NFATC3: variants seen among roughly 807,000 people sequenced by gnomAD.
NFATC3 encodes nuclear factor of activated T-cells, cytoplasmic 3.
NFATC3 carries 46 observed loss-of-function variants against 98.6 expected under a neutral mutation model. That is an observed-to-expected ratio of 0.47 (90% CI 0.37 to 0.60). The LOEUF (loss-of-function observed/expected upper bound fraction) is 0.60. Among genes scored for constraint, NFATC3 ranks in the 20% least tolerant of loss-of-function variants. NFATC3 has a pLI of 0.00. For synonymous variants in NFATC3, 512 were observed against 472.2 expected (o/e 1.08, Z -1.09); for missense variants, 1,256 against 1,295.5 (o/e 0.97, Z 0.47).
chr16:68,096,116 A>G (rs1396741856), intron 1 of NFATC3, among the ~76,000 whole-genome samples: 1 of 152,298 alleles, frequency 6.6e-6, no homozygotes, highest in South Asian at 2.1e-4. Flanking sequence ...GCTTGCCACC[A>G]TGCCCAGCTA....
At chr16:68,118,031 A>G (rs192033641) in intron 1 of NFATC3, among the ~76,000 whole-genome samples, 6 of 152,258 alleles carry the variant, frequency 3.9e-5, no homozygotes, top group Admixed American at 2.0e-4. Context: ...TTCTAGCTCT[A>G]CCCTTTCAGT....
intron 9 of NFATC3, chr16:68,200,725 A>G (rs1733607105): frequency 6.6e-6 from 1 of 152,106 alleles, no homozygotes; most frequent in Admixed American, 6.6e-5. Context: ...CACTACCTCC[A>G]TATATCATTG....
In NFATC3 at chr16:68,167,807, G is replaced by GTTTTT. The variant is rs1263970399; in HGVS notation, c.1774+794_1774+795insTTTTT. ...TGTTTTATATCTGTTAACCGTATGT[G>GTTTTT]TTCTTTTTTTTTTTTTTTTTTTTTT... On this transcript the variant is annotated intron_variant, in intron 5 of 9. Coordinates refer to ENST00000346183, the MANE Select transcript of NFATC3 (RefSeq NM_173165.3). Among the ~76,000 whole-genome samples the GTTTTT allele has an allele frequency of 2.5e-3, 58 of 23,626 alleles. 1 individual carries two copies. Among genetic ancestry groups the GTTTTT allele is most frequent in the Non-Finnish European group, 5.1e-3 (50 of 9,726 alleles). The allele number at this position is 23,626 out of a possible 152,430, so 15.5% of individuals were successfully genotyped here. A position where few individuals can be genotyped will look rare whatever the true frequency, so the allele number is the denominator to read the frequency against.
At chr16:68,086,965 T>C (rs2034413099) in intron 1 of NFATC3, among the ~76,000 whole-genome samples, 1 of 152,226 alleles carries the variant, frequency 6.6e-6, no homozygotes, top group South Asian at 2.1e-4. Flanking sequence ...AGTGTTATGA[T>C]GAGGCAGAGG....
chr16:68,193,039 G>T (rs1391374358), intron 9 of NFATC3, among the ~76,000 whole-genome samples: 3 of 152,190 alleles, frequency 2.0e-5, no homozygotes, highest in Non-Finnish European at 2.9e-5. Flanking sequence ...AATATCTAGG[G>T]GGAAGAAAAT....
intron 4 of NFATC3, among the ~76,000 whole-genome samples, chr16:68,162,876 G>A (rs1363399066): frequency 1.3e-5 from 2 of 151,940 alleles, no homozygotes; most frequent in Admixed American, 1.3e-4. Context: ...GTTTTCCTAG[G>A]CAGAGGACCC....
intron 1 of NFATC3, among the ~76,000 whole-genome samples, chr16:68,118,999 C>T (rs188091146): frequency 1.5e-3 from 222 of 152,268 alleles, no homozygotes; most frequent in Middle Eastern, 3.4e-3. Flanking sequence ...TCCCGAGCAG[C>T]TGGGACCACA....
chr16:68,123,233 C>A, intron 2 of NFATC3, 112 bp downstream of exon 2: 2 of 1,150,686 alleles, frequency 1.7e-6, no homozygotes, highest in Non-Finnish European at 2.3e-6. Flanking sequence ...CATTTCTCCT[C>A]TTCCTATTTT....
intron 9 of NFATC3, chr16:68,221,542 C>T (rs1023707906): frequency 1.4e-5 from 17 of 1,237,652 alleles, no homozygotes; most frequent in Non-Finnish European, 1.6e-5. Flanking sequence ...TTATTTAGTA[C>T]TCAATATATG....
At chr16:68,090,285 T>A (rs548590586) in intron 1 of NFATC3, among the ~76,000 whole-genome samples, 1 of 129,568 alleles carries the variant, frequency 7.7e-6, no homozygotes, top group East Asian at 2.3e-4. Context: ...AAAATTTTTT[T>A]AAACACGCAA....
intron 5 of NFATC3, among the ~76,000 whole-genome samples, chr16:68,173,189 G>T (rs1350782705): frequency 6.6e-6 from 1 of 152,080 alleles, no homozygotes; most frequent in East Asian, 1.9e-4. Flanking sequence ...TTGAGCCCAG[G>T]AGTTTGATGC....
Position 68,215,961 on chromosome 16 carries a change from C to G in NFATC3, c.3107-10389C>G, listed in dbSNP as rs537634217. 5.3e-5 allele frequency among the ~76,000 whole-genome samples: 8 copies of G among 152,186 alleles called. No individual in the cohort carries two copies. In the South Asian group the frequency reaches 1.5e-3, roughly 28 times the overall value. On this transcript the variant is annotated intron_variant, in intron 9 of 9. Coordinates refer to ENST00000346183, the MANE Select transcript of NFATC3 (RefSeq NM_173165.3). ...GCCAGGATGGTCTCGATGTCCTGACCTCGTGATCCGCCCACCTTGGCCTCC... is the reference window on the plus strand; with the variant it reads ...GCCAGGATGGTCTCGATGTCCTGACGTCGTGATCCGCCCACCTTGGCCTCC...
chr16:68,129,045 C>T (rs2036986601), intron 3 of NFATC3, among the ~76,000 whole-genome samples: 1 of 151,494 alleles, frequency 6.6e-6, no homozygotes. Context: ...CTGTGAGCTA[C>T]GATTGTGCCA....
chr16:68,122,349 T>C lies in NFATC3; in HGVS notation c.466T>C (p.Ser156Pro). 6.2e-7 allele frequency: 1 copy of C among 1,614,156 alleles called. No homozygotes were observed. Among genetic ancestry groups the C allele is most frequent in the Admixed American group, 1.7e-5 (1 of 60,020 alleles). Residue 156 changes from serine to proline, a missense_variant, in exon 2 of 10, where the codon TCC becomes CCC. By Grantham distance (74) the Ser-to-Pro change is moderately conservative. Around this residue, in one of 3 missense-constraint regions of NFATC3, gnomAD observed 464 missense variants for 465.7 expected, o/e 1.00. Coordinates refer to ENST00000346183, the MANE Select transcript of NFATC3 (RefSeq NM_173165.3). ...TCATCTCTATCTTCCTCTTGAGCCA[T>C]CCTACCGGGAGTCTTCTCTTAGTCC... ...RDHLYLPLEP[S>P]YRESSLSPSP...
At chr16:68,224,129 A>C in intron 9 of NFATC3, among the ~76,000 whole-genome samples, 1 of 105,830 alleles carries the variant, frequency 9.4e-6, no homozygotes, top group African/African-American at 4.1e-5. Context: ...ACCAGTTTAA[A>C]AAAAAAAAAA....
intron 3 of NFATC3, among the ~76,000 whole-genome samples, chr16:68,134,935 A>G (rs2037307877): frequency 6.6e-6 from 1 of 152,190 alleles, no homozygotes; most frequent in Admixed American, 6.5e-5. Flanking sequence ...ATATTAAAGT[A>G]AAATAGAGAT....
In NFATC3 at chr16:68,167,093, G is replaced by A. The variant is rs2039230311; in HGVS notation, c.1774+78G>A. ...CTGTTTTACTTATAATGTAATGTAT[G>A]CGTCTGAAGTGCAAACTGAGGCATA... On this transcript the variant is annotated intron_variant, in intron 5 of 9. Coordinates refer to ENST00000346183, the MANE Select transcript of NFATC3 (RefSeq NM_173165.3). 4 of 1,441,680 alleles carry A rather than the reference G, an allele frequency of 2.8e-6. No individual in the cohort carries two copies. The Admixed American group carries it at 8.3e-5, about 30-fold the overall frequency. 89.3% of individuals were successfully genotyped at this position (1,441,680 alleles called of 1,614,324 possible).
intron 9 of NFATC3, chr16:68,224,573 C>CTTTTT (rs35650643): frequency 1.1e-4 from 11 of 99,020 alleles, no homozygotes; most frequent in African/African-American, 1.6e-4. Flanking sequence ...CCGCGCCTGG[C>CTTTTT]TTTTTTTTTT....
chr16:68,216,641 C>T (rs1288047284), intron 9 of NFATC3, among the ~76,000 whole-genome samples: 1 of 151,234 alleles, frequency 6.6e-6, no homozygotes, highest in African/African-American at 2.4e-5. Flanking sequence ...AAACAATTCT[C>T]CTTCCTCAGC....
Sources: allele counts gnomAD v4.1 joint callset (sites outside exome capture counted in the v4.1 genomes callset), GRCh38; gene constraint gnomAD v4.1.1; regional missense constraint gnomAD v4.1.1; transcripts MANE v1.5; gene names NCBI Gene and HGNC (gene_info 2026-07-23, HGNC 2026-07-21).